Variants in TMEM123 observed in about 807,000 individuals in gnomAD.
TMEM123 encodes transmembrane protein 123.
In TMEM123, 16 loss-of-function variants were observed where a neutral mutation model predicts 19.7. The observed-to-expected ratio is 0.81, with a 90% confidence interval of 0.55 to 1.23. TMEM123 has a LOEUF of 1.23. Among genes scored for constraint, TMEM123 ranks in the 50% most tolerant of loss-of-function variants. The probability of loss-of-function intolerance (pLI) is 0.00; values close to 1 mark genes in which losing one functional copy is unlikely to be tolerated. For synonymous variants in TMEM123, 118 were observed against 99.4 expected (o/e 1.19, Z -1.12); for missense variants, 313 against 257.8 (o/e 1.21, Z -1.47).
intron 2 of TMEM123, among the ~76,000 whole-genome samples, chr11:102,407,437 C>CA (rs1436613055): frequency 5.3e-5 from 8 of 152,158 alleles, no homozygotes; most frequent in Non-Finnish European, 2.9e-5. Context: ...TACAGTTGTC[C>CA]ATGCTCAGTG....
chr11:102,428,968 A>C (rs1378931483), intron 2 of TMEM123, among the ~76,000 whole-genome samples: 1 of 152,146 alleles, frequency 6.6e-6, no homozygotes, highest in African/African-American at 2.4e-5. Flanking sequence ...TCCTTCAGGC[A>C]AACACCCTTC....
chr11:102,424,920 G>A (rs1952113850), intron 2 of TMEM123, among the ~76,000 whole-genome samples: 2 of 152,198 alleles, frequency 1.3e-5, no homozygotes, highest in Non-Finnish European at 2.9e-5. Context: ...AAGTTTTTCA[G>A]AAGCACACTC....
At chr11:102,407,003 G>C (rs1212479079) in intron 2 of TMEM123, among the ~76,000 whole-genome samples, 1 of 152,110 alleles carries the variant, frequency 6.6e-6, no homozygotes, top group Non-Finnish European at 1.5e-5. Context: ...TGAAGGGGGA[G>C]GCTTAGCAGG....
chr11:102,428,508 T>A (rs1370706385), intron 2 of TMEM123, among the ~76,000 whole-genome samples: 1 of 151,364 alleles, frequency 6.6e-6, no homozygotes, highest in African/African-American at 2.4e-5. Flanking sequence ...GGTTTTGCCA[T>A]GTTGGCCAGG....
intron 2 of TMEM123, among the ~76,000 whole-genome samples, chr11:102,428,737 C>A (rs1456044345): frequency 2.6e-5 from 4 of 152,138 alleles, no homozygotes; most frequent in Non-Finnish European, 1.5e-5. Flanking sequence ...CTGAGATCCT[C>A]AGGAAATGAT....
chr11:102,412,205 CG>C (rs2135848041), intron 2 of TMEM123, among the ~76,000 whole-genome samples: 1 of 152,094 alleles, frequency 6.6e-6, no homozygotes, highest in South Asian at 2.1e-4. Context: ...CCAAGGGAGG[CG>C]AATCATCTGA....
intron 2 of TMEM123, among the ~76,000 whole-genome samples, chr11:102,415,130 A>C (rs1759382140): frequency 6.6e-6 from 1 of 152,248 alleles, no homozygotes; most frequent in South Asian, 2.1e-4. Flanking sequence ...CCTCAACAAG[A>C]CAACTTAACT....
At chr11:102,399,924 C>T (rs955357974) in intron 4 of TMEM123, among the ~76,000 whole-genome samples, 5 of 151,302 alleles carry the variant, frequency 3.3e-5, no homozygotes, top group African/African-American at 1.2e-4. Flanking sequence ...GAGCCGAGAT[C>T]GTGCCATTGC....
At chr11:102,427,090 C>CT (rs1290278810) in intron 2 of TMEM123, among the ~76,000 whole-genome samples, 1 of 147,148 alleles carries the variant, frequency 6.8e-6, no homozygotes, top group African/African-American at 2.5e-5. Context: ...TGCTGGTTCT[C>CT]TTTTTCACAA....
chr11:102,445,785 T>C lies in TMEM123; in HGVS notation c.157+3027A>G, dbSNP rs1028192187. Among the ~76,000 whole-genome samples, 11 of 152,238 alleles carry C rather than the reference T, an allele frequency of 7.2e-5. No individual in the cohort carries two copies. In the East Asian group the frequency reaches 2.1e-3, roughly 29 times the overall value. The stretch of plus-strand genomic sequence containing the variant: ...ATAAAGAATAAAAGGAAAAGGTACC[T>C]AATAGTGTAATAAAACATTTTTAAA... On this transcript the variant is annotated intron_variant, in intron 2 of 4. Transcript: ENST00000398136.
At chr11:102,408,876 T>C (rs1951978513) in intron 2 of TMEM123, among the ~76,000 whole-genome samples, 1 of 152,200 alleles carries the variant, frequency 6.6e-6, no homozygotes, top group African/African-American at 2.4e-5. Flanking sequence ...AGCCACCATA[T>C]TGCAACAAGG....
chr11:102,449,791 G>C (rs1565358222), intron 1 of TMEM123, among the ~76,000 whole-genome samples: 2 of 152,180 alleles, frequency 1.3e-5, no homozygotes, highest in Non-Finnish European at 2.9e-5. Flanking sequence ...CCACAAGCCA[G>C]GGTTATGTGC....
chr11:102,452,431 G>C (rs536144661), intron 1 of TMEM123, 93 bp downstream of exon 1: 7 of 1,130,808 alleles, frequency 6.2e-6, no homozygotes, highest in Non-Finnish European at 8.1e-6. Flanking sequence ...GACACACGCG[G>C]AACTTTCTGT....
intron 2 of TMEM123, among the ~76,000 whole-genome samples, chr11:102,419,520 C>A (rs906773681): frequency 6.6e-6 from 1 of 152,216 alleles, no homozygotes; most frequent in African/African-American, 2.4e-5. Flanking sequence ...GCTACCTAAA[C>A]TCCCCAGGGC....
At chr11:102,441,981 C>T (rs1443459167) in intron 2 of TMEM123, among the ~76,000 whole-genome samples, 6 of 152,300 alleles carry the variant, frequency 3.9e-5, no homozygotes, top group Middle Eastern at 3.4e-3. Context: ...GACACATACA[C>T]CCTCCCAAGA....
At chr11:102,446,097 T>C (rs566277957) in intron 2 of TMEM123, among the ~76,000 whole-genome samples, 14 of 152,344 alleles carry the variant, frequency 9.2e-5, no homozygotes, top group South Asian at 8.3e-4. Flanking sequence ...CTGAATGATA[T>C]TGAGCTGCTG....
Position 102,452,505 on chromosome 11 carries a change from G to A in TMEM123, c.100+19C>T, listed in dbSNP as rs1208941633. 5 of 1,501,420 alleles carry A rather than the reference G, an allele frequency of 3.3e-6. No individual in the cohort carries two copies. The highest frequency in any genetic ancestry group is 4.4e-6 in the Non-Finnish European group (5 of 1,123,946). 93.0% of individuals were successfully genotyped at this position (1,501,420 alleles called of 1,614,324 possible). A position where few individuals can be genotyped will look rare whatever the true frequency, so the allele number is the denominator to read the frequency against. On this transcript the variant is annotated intron_variant, in intron 1 of 4. Transcript: ENST00000398136. ...GCTGCCTCCCACGAACGGGGCTGAC[G>A]ACCCCCGCAGCCACTTACCCGCCAT...
chr11:102,413,829 A>ATG (rs1952023918), intron 2 of TMEM123, among the ~76,000 whole-genome samples: 1 of 152,204 alleles, frequency 6.6e-6, no homozygotes, highest in Admixed American at 6.5e-5. Context: ...CCAAAGAACC[A>ATG]TACTGCCTCT....
intron 2 of TMEM123, among the ~76,000 whole-genome samples, chr11:102,436,341 T>G (rs1251167299): frequency 6.6e-6 from 1 of 151,808 alleles, no homozygotes; most frequent in African/African-American, 2.4e-5. Context: ...TTTTACATTT[T>G]TAGTAGAGAC....
Sources: gnomAD v4.1 joint callset for allele counts (sites outside exome capture counted in the v4.1 genomes callset) on GRCh38, gnomAD v4.1.1 for gene constraint, MANE v1.5 for transcripts, NCBI Gene and HGNC (gene_info 2026-07-23, HGNC 2026-07-21) for gene names.